Variants in GLYCTK observed in about 807,000 individuals in gnomAD.
The protein encoded by GLYCTK is HBeAg binding protein 4.
GLYCTK carries 22 observed loss-of-function variants against 24.8 expected under a neutral mutation model. The observed-to-expected ratio is 0.89, with a 90% CI of 0.63 to 1.27. GLYCTK has a LOEUF of 1.27. GLYCTK is among the 50% of genes most tolerant of loss of function. The pLI, the probability that GLYCTK is intolerant of heterozygous loss-of-function variation, is 0.00. For missense variants in GLYCTK, 684 were observed against 686.7 expected, an observed-to-expected ratio of 1.00 and a Z score of 0.04; for synonymous variants, 320 against 297.2, an observed-to-expected ratio of 1.08 and a Z score of -0.79.
At position 52,290,350 on chromosome 3, in the gene GLYCTK, C is replaced by T. The variant is rs1466730098; in HGVS notation, c.8C>T (p.Ala3Val). Residue 3 changes from alanine (A) to valine (V), a missense_variant, in exon 2 of 5, where the codon GCA becomes GTA. By Grantham distance (64) the Ala-to-Val change is moderately conservative. Transcript: ENST00000436784. Reference sequence around the variant, plus strand: ...TGCTGAGAGCAGTGGGGCATGGCTGCAGCCCTGCAGGTCCTGCCCCGCTTG... The same window carrying T: ...TGCTGAGAGCAGTGGGGCATGGCTGTAGCCCTGCAGGTCCTGCCCCGCTTG... MA[A>V]ALQVLPRLAR... 6.3e-7 allele frequency: 1 copy of T among 1,597,074 alleles called. No individual in the cohort carries two copies. The highest frequency in any genetic ancestry group is 1.7e-5 in the Admixed American group (1 of 59,940).
rs770251045 is a variant in GLYCTK, at chr3:52,290,712, G to A, written c.370G>A (p.Gly124Ser). Residue 124 changes from glycine (G) to serine (S), a missense_variant, in exon 2 of 5, where the codon GGC (glycine) becomes AGC (serine). Transcript: ENST00000436784. The part of the protein sequence containing the change: ...KGIRAAMERA[G>S]KQEMLLKPHS... ...GATCCGTGCTGCCATGGAGCGTGCCGGCAAGCAGTAAGGAGCCATGGGGGC... is the reference window on the plus strand; with the variant it reads ...GATCCGTGCTGCCATGGAGCGTGCCAGCAAGCAGTAAGGAGCCATGGGGGC... The A allele has an allele frequency of 6.8e-6, 11 of 1,610,862 alleles. No homozygotes were observed. Among genetic ancestry groups the A allele is most frequent in the East Asian group, 2.2e-5 (1 of 44,812 alleles).
Position 52,294,992 on chromosome 3 carries a change from A to T in GLYCTK, c.*1866A>T, listed in dbSNP as rs1700595059. ...GCTGAGGGCTTTGGGTATGGATAGG[A>T]TCTTGCAGGAGGTTCCCCCTGCTCT... On this transcript the variant is annotated 3_prime_UTR_variant, in exon 5 of 5. Transcript: ENST00000436784. 1 of 453,810 alleles carries T rather than the reference A, an allele frequency of 2.2e-6. No individual in the cohort carries two copies. Among genetic ancestry groups the T allele is most frequent in the Non-Finnish European group, 4.4e-6 (1 of 226,776 alleles). 28.1% of individuals were successfully genotyped at this position (453,810 alleles called of 1,614,324 possible). A position where few individuals can be genotyped will look rare whatever the true frequency, so the allele number is the denominator to read the frequency against.
intron 1 of GLYCTK, 177 bp downstream of exon 1, chr3:52,288,053 A>G (rs1254212341): frequency 8.1e-6 from 2 of 246,230 alleles, no homozygotes; most frequent in Non-Finnish European, 8.8e-6. Context: ...CCTACTGTCT[A>G]GGGAAAGCCG....
Position 52,291,742 on chromosome 3 carries a change from G to A in GLYCTK, c.530-5G>A, listed in dbSNP as rs1171224235. 2 of 1,613,402 alleles carry A rather than the reference G, an allele frequency of 1.2e-6. No homozygotes were observed. The highest frequency in any genetic ancestry group is 2.2e-5 in the East Asian group (1 of 44,868). On this transcript the variant is annotated splice_region_variant and splice_polypyrimidine_tract_variant and intron_variant, in intron 3 of 4. Coordinates refer to ENST00000436784, the MANE Select transcript of GLYCTK (RefSeq NM_145262.4). ...CTCTACCTGATACCCTCATTGTCTT[G>A]AGAGGTGGGGGTTCAGCTCTGCTGC... is the stretch of plus-strand genomic sequence containing the variant.
At position 52,292,774 on chromosome 3, in the gene GLYCTK, G is replaced by C; in HGVS notation, c.1220G>C (p.Gly407Ala). 1 of 1,607,486 alleles carries C rather than the reference G, an allele frequency of 6.2e-7. No individual in the cohort carries two copies. The highest frequency in any genetic ancestry group is 1.1e-5 in the South Asian group (1 of 90,702). Reference sequence around the variant, plus strand: ...AGGGGCCCAGTCTGCCTGCTGGCTGGTGGCGAGCCCACAGTACAGCTGCAG... The same window carrying C: ...AGGGGCCCAGTCTGCCTGCTGGCTGCTGGCGAGCCCACAGTACAGCTGCAG... ...WGRGPVCLLAGGEPTVQLQGS... is the reference protein window; with the variant it reads ...WGRGPVCLLAAGEPTVQLQGS... The change falls in exon 5 of 5, where the codon GGT becomes GCT. Residue 407 changes from glycine to alanine, a missense_variant. Physicochemically the swap from Gly to Ala is moderately conservative, Grantham distance 60. Coordinates refer to ENST00000436784, the MANE Select transcript of GLYCTK (RefSeq NM_145262.4).
rs1482842466 is a variant in GLYCTK at position 52,290,497 on chromosome 3, GC to G, written c.159del (p.Met54CysfsTer15). On this transcript the variant is annotated frameshift_variant, in exon 2 of 5. Transcript: ENST00000436784. LOFTEE classifies it high-confidence loss of function. ...AGTGCTGTAGGTGCAGTGCTGCCGG[GC>G]CCCATGCTGCACCGGGCACTATCCT... The part of the protein sequence containing the change: ...FESAVGAVLP[G>X]PMLHRALSLD... 1.2e-6 allele frequency: 2 copies of G among 1,613,412 alleles called. No homozygotes were observed. The highest frequency in any genetic ancestry group is 1.7e-6 in the Non-Finnish European group (2 of 1,180,022).
rs143627715 is a variant in GLYCTK at position 52,290,584 on chromosome 3, T to C, written c.242T>C (p.Leu81Pro). 3.3e-5 allele frequency: 54 copies of C among 1,613,770 alleles called. No individual in the cohort carries two copies. Among genetic ancestry groups the C allele is most frequent in the Non-Finnish European group, 2.5e-5 (29 of 1,180,032 alleles). The change falls in exon 2 of 5, where the codon CTC becomes CCC. Residue 81 changes from leucine (L) to proline (P), a missense_variant. Transcript: ENST00000436784. ...CGGAACTTTCAGCTGAGGCAAAACC[T>C]CTACCTGGTGGGCTTTGGCAAGGCT... ...RDRNFQLRQN[L>P]YLVGFGKAVL... is the part of the protein sequence containing the mutation.
intron 1 of GLYCTK, 112 bp downstream of exon 1, chr3:52,287,988 C>T: frequency 2.3e-5 from 8 of 342,888 alleles, no homozygotes; most frequent in South Asian, 1.5e-4. Context: ...GGGCATTACG[C>T]GGCAGCCATT....
rs892084847 is a variant in GLYCTK, at chr3:52,293,904, C to G, written c.*778C>G. ...GTTGAGCTGAAGTTTGTCCCACCCC[C>G]CAGTGCTGTTTCCTTGTGACAGCCC... On this transcript the variant is annotated 3_prime_UTR_variant, in exon 5 of 5. Transcript: ENST00000436784. 2.2e-6 allele frequency: 1 copy of G among 454,068 alleles called. No homozygotes were observed. The highest frequency in any genetic ancestry group is 2.3e-5 in the Admixed American group (1 of 42,572). The allele number at this position is 454,068 out of a possible 1,614,324, so 28.1% of individuals were successfully genotyped here.
chr3:52,290,672 C>T lies in GLYCTK; in HGVS notation c.330C>T (p.Ile110=), dbSNP rs534178934. 5.4e-5 allele frequency: 87 copies of T among 1,613,558 alleles called. 1 individual carries two copies. The South Asian group carries it at 9.3e-4, about 17-fold the overall frequency. Residue 110 remains isoleucine (I), a synonymous_variant, in exon 2 of 5, where the codon ATC becomes ATT. Transcript: ENST00000436784. Reference sequence around the variant, plus strand: ...GCCAGCATCTTGTGCAGGGCGTGATCAGCGTTCCCAAGGGGATCCGTGCTG... The same window carrying T: ...GCCAGCATCTTGTGCAGGGCGTGATTAGCGTTCCCAAGGGGATCCGTGCTG... ...LLGQHLVQGV[I]SVPKGIRAAM...
chr3:52,291,976 T>G, intron 4 of GLYCTK, 54 bp downstream of exon 4: 1 of 1,537,556 alleles, frequency 6.5e-7, no homozygotes, highest in Non-Finnish European at 8.9e-7. Context: ...CAGGCCCACA[T>G]GTGCCAGGGA....
chr3:52,293,072 G>A lies in GLYCTK; in HGVS notation c.1518G>A (p.Gly506=), dbSNP rs1251265660. The change falls in exon 5 of 5, where the codon GGG becomes GGA. Residue 506 remains glycine (G), a synonymous_variant. Transcript: ENST00000436784. The part of the protein sequence containing the change: ...LQGGAHLLHT[G]MTGTNVMDTH... ...GTGGGGCACACCTGCTGCACACAGG[G>A]ATGACAGGTACCAATGTCATGGACA... 1.2e-6 allele frequency: 2 copies of A among 1,614,074 alleles called. No homozygotes were observed. Among genetic ancestry groups the A allele is most frequent in the Non-Finnish European group, 1.7e-6 (2 of 1,180,028 alleles).
Position 52,292,307 on chromosome 3 carries a change from G to A in GLYCTK, c.753G>A (p.Val251=). The change falls in exon 5 of 5, where the codon GTG becomes GTA. Residue 251 remains valine, a synonymous_variant. Transcript: ENST00000436784. ...ATGTGGTGGGGGACCCTGTGGAGGT[G>A]ATTGCCAGTGGCCCCACCGTGGCCA... ...LSDVVGDPVE[V]IASGPTVASS... is the part of the protein sequence containing the mutation. The A allele has an allele frequency of 1.2e-6, 2 of 1,613,924 alleles. No homozygotes were observed. The highest frequency in any genetic ancestry group is 1.7e-6 in the Non-Finnish European group (2 of 1,179,956).
Position 52,294,550 on chromosome 3 carries a change from AG to A in GLYCTK, c.*1426del. The stretch of plus-strand genomic sequence containing the variant: ...CGGGCTCTGGGGACCAGGGAGGTTT[AG>A]GAAAAGGGGAGCTTGCACCCCACTG... On this transcript the variant is annotated 3_prime_UTR_variant, in exon 5 of 5. Transcript: ENST00000436784. 2.6e-6 allele frequency: 1 copy of A among 382,488 alleles called. No homozygotes were observed. The highest frequency in any genetic ancestry group is 1.9e-5 in the South Asian group (1 of 52,042). The allele number at this position is 382,488 out of a possible 1,614,324, so 23.7% of individuals were successfully genotyped here. A position where few individuals can be genotyped will look rare whatever the true frequency, so the allele number is the denominator to read the frequency against.
rs1268884644 is a variant in GLYCTK, at chr3:52,293,661, G to T, written c.*535G>T. On this transcript the variant is annotated 3_prime_UTR_variant, in exon 5 of 5. Transcript: ENST00000436784. The stretch of plus-strand genomic sequence containing the variant: ...GCCCATCCCTCTGGAGTGTGTGAGG[G>T]TTGAGCTTGGCTCCTGACAGCTTTG... 2 of 454,340 alleles carry T rather than the reference G, an allele frequency of 4.4e-6. No homozygotes were observed. Among genetic ancestry groups the T allele is most frequent in the South Asian group, 1.6e-5 (1 of 64,486 alleles). The allele number at this position is 454,340 out of a possible 1,614,324, so 28.1% of individuals were successfully genotyped here. A position where few individuals can be genotyped will look rare whatever the true frequency, so the allele number is the denominator to read the frequency against.
At chr3:52,290,803 C>T in intron 2 of GLYCTK, 84 bp downstream of exon 2, 1 of 1,581,902 alleles carries the variant, frequency 6.3e-7, no homozygotes, top group South Asian at 1.1e-5. Flanking sequence ...GGCCTCCCCT[C>T]CCCACCCGCT....
Position 52,295,025 on chromosome 3 carries a change from C to T in GLYCTK, c.*1899C>T, listed in dbSNP as rs1381927877. Reference sequence around the variant, plus strand: ...GGAGGTTCCCCCTGCTCTACATTGACCCCTTCCCTATACTTCTGTTTGTAG... The same window carrying T: ...GGAGGTTCCCCCTGCTCTACATTGATCCCTTCCCTATACTTCTGTTTGTAG... On this transcript the variant is annotated 3_prime_UTR_variant, in exon 5 of 5. Transcript: ENST00000436784. The T allele has an allele frequency of 1.1e-5, 5 of 453,920 alleles. No individual in the cohort carries two copies. Among genetic ancestry groups the T allele is most frequent in the Non-Finnish European group, 1.8e-5 (4 of 226,768 alleles). The allele number at this position is 453,920 out of a possible 1,614,324, so 28.1% of individuals were successfully genotyped here.
In GLYCTK at chr3:52,294,412, G is replaced by A. The variant is rs1700581155; in HGVS notation, c.*1286G>A. Reference sequence around the variant, plus strand: ...CTGGCAGGACTTTCCCCTGGGAAGGGTTTCCCTTCCCCACCTGGGCTCTGG... The same window carrying A: ...CTGGCAGGACTTTCCCCTGGGAAGGATTTCCCTTCCCCACCTGGGCTCTGG... On this transcript the variant is annotated 3_prime_UTR_variant, in exon 5 of 5. Transcript: ENST00000436784. 2.0e-6 allele frequency: 1 copy of A among 500,174 alleles called. No individual in the cohort carries two copies. The highest frequency in any genetic ancestry group is 4.1e-6 in the Non-Finnish European group (1 of 244,976). The allele number at this position is 500,174 out of a possible 1,614,324, so 31.0% of individuals were successfully genotyped here. A position where few individuals can be genotyped will look rare whatever the true frequency, so the allele number is the denominator to read the frequency against.
At chr3:52,288,412 G>T (rs891880191) in intron 1 of GLYCTK, among the ~76,000 whole-genome samples, 2 of 152,032 alleles carry the variant, frequency 1.3e-5, no homozygotes, top group Non-Finnish European at 2.9e-5. Flanking sequence ...GTTTCACCAC[G>T]TTGGTCAGGC....
Sources: gnomAD v4.1 joint callset for allele counts (sites outside exome capture counted in the v4.1 genomes callset) on GRCh38, gnomAD v4.1.1 for gene constraint, MANE v1.5 for transcripts, NCBI Gene and HGNC (gene_info 2026-07-23, HGNC 2026-07-21) for gene names.